HEPHL1: variants seen among roughly 807,000 people sequenced by gnomAD.
HEPHL1 encodes ferroxidase HEPHL1.
Under a neutral mutation model 122.0 loss-of-function variants are expected in HEPHL1, and 123 were observed. The ratio of observed to expected loss-of-function variants is 1.01; its 90% CI spans 0.87 to 1.17. The LOEUF (loss-of-function observed/expected upper bound fraction) is 1.17. HEPHL1 is among the 50% of genes most tolerant of loss of function. HEPHL1 has a pLI of 0.00. For missense variants in HEPHL1, 1,452 were observed against 1,430.5 expected, an observed-to-expected ratio of 1.01 and a Z score of -0.24; for synonymous variants, 527 against 508.9, an observed-to-expected ratio of 1.04 and a Z score of -0.48.
intron 6 of HEPHL1, among the ~76,000 whole-genome samples, chr11:94,071,348 TTC>T: frequency 6.6e-6 from 1 of 152,100 alleles, no homozygotes; most frequent in South Asian, 2.1e-4. Flanking sequence ...CATTCATTCA[TTC>T]ATTCATTCAT....
At position 94,092,501 on chromosome 11, in the gene HEPHL1, C is replaced by T. The variant is rs560347798; in HGVS notation, c.2295-1000C>T. On this transcript the variant is annotated intron_variant, in intron 12 of 19. Transcript: ENST00000315765. ...CTGCCTTCTTGTTTCAGCTCTCATA[C>T]TGTAAACAAATGTCCTTGTTTTCAG... Among the ~76,000 whole-genome samples the T allele has an allele frequency of 1.8e-4, 28 of 152,316 alleles. No homozygotes were observed. In the Middle Eastern group the frequency reaches 0.01, roughly 56 times the overall value.
intron 2 of HEPHL1, among the ~76,000 whole-genome samples, chr11:94,049,494 G>T (rs1174820946): frequency 2.6e-5 from 4 of 151,718 alleles, no homozygotes; most frequent in African/African-American, 9.7e-5. Flanking sequence ...TCCCACTACT[G>T]GGCATTTATC....
At chr11:94,042,619 G>A (rs906304327) in intron 1 of HEPHL1, among the ~76,000 whole-genome samples, 12 of 150,056 alleles carry the variant, frequency 8.0e-5, no homozygotes, top group South Asian at 2.1e-4. Flanking sequence ...GTAAACTATC[G>A]CGAGAACAAA....
intron 6 of HEPHL1, among the ~76,000 whole-genome samples, chr11:94,072,167 C>A (rs1238983485): frequency 6.6e-6 from 1 of 152,020 alleles, no homozygotes; most frequent in Non-Finnish European, 1.5e-5. Flanking sequence ...GCCATTATGA[C>A]CATTATGGCT....
At chr11:94,069,714 A>T (rs1946059526) in intron 5 of HEPHL1, among the ~76,000 whole-genome samples, 1 of 152,106 alleles carries the variant, frequency 6.6e-6, no homozygotes, top group African/African-American at 2.4e-5. Context: ...CTTAATGCTT[A>T]TGTTTCCCAC....
At chr11:94,026,724 C>T (rs1316624817) in intron 1 of HEPHL1, among the ~76,000 whole-genome samples, 1 of 152,240 alleles carries the variant, frequency 6.6e-6, no homozygotes, top group East Asian at 1.9e-4. Context: ...GGGAGGATTT[C>T]TCCAGCCAAG....
intron 1 of HEPHL1, among the ~76,000 whole-genome samples, chr11:94,023,347 T>G (rs971187620): frequency 1.3e-5 from 2 of 152,222 alleles, no homozygotes; most frequent in Non-Finnish European, 2.9e-5. Context: ...TTTGTCACTC[T>G]TCCTAGAAGC....
intron 13 of HEPHL1, among the ~76,000 whole-genome samples, chr11:94,097,209 G>C (rs1452627172): frequency 6.6e-6 from 1 of 152,122 alleles, no homozygotes. Flanking sequence ...AGAGATTCTG[G>C]TATGTTGTGT....
chr11:94,046,945 A>C (rs1239958203), intron 2 of HEPHL1, among the ~76,000 whole-genome samples: 1 of 152,172 alleles, frequency 6.6e-6, no homozygotes, highest in Non-Finnish European at 1.5e-5. Flanking sequence ...ATTATCATCA[A>C]GGAGGAGTTT....
intron 2 of HEPHL1, among the ~76,000 whole-genome samples, chr11:94,046,737 C>T (rs1344423144): frequency 6.6e-6 from 1 of 151,774 alleles, no homozygotes; most frequent in Non-Finnish European, 1.5e-5. Context: ...GGATTCCTCC[C>T]TAATTGAAAA....
chr11:94,046,772 T>C (rs914177334), intron 2 of HEPHL1, among the ~76,000 whole-genome samples: 18 of 152,096 alleles, frequency 1.2e-4, no homozygotes, highest in Non-Finnish European at 2.2e-4. Flanking sequence ...TCTTAGACTT[T>C]TGAGACAGAA....
chr11:94,073,466 G>A (rs745355958), intron 8 of HEPHL1, 27 bp downstream of exon 8: 2 of 1,550,380 alleles, frequency 1.3e-6, no homozygotes, highest in South Asian at 2.4e-5. Context: ...GCTTAGGGAG[G>A]AAACAGGACG....
At chr11:94,035,610 A>T (rs890183531) in intron 1 of HEPHL1, among the ~76,000 whole-genome samples, 7 of 152,180 alleles carry the variant, frequency 4.6e-5, no homozygotes, top group Non-Finnish European at 8.8e-5. Flanking sequence ...CGTCATTTAC[A>T]TTAGGTATAT....
intron 2 of HEPHL1, among the ~76,000 whole-genome samples, chr11:94,049,420 C>T (rs1226051274): frequency 6.6e-6 from 1 of 151,978 alleles, no homozygotes; most frequent in East Asian, 1.9e-4. Context: ...AGTACAGCCA[C>T]TACGGAAAAC....
intron 2 of HEPHL1, among the ~76,000 whole-genome samples, chr11:94,052,341 G>C (rs1411744226): frequency 6.6e-6 from 1 of 151,736 alleles, no homozygotes; most frequent in African/African-American, 2.4e-5. Flanking sequence ...CATTTCCTTA[G>C]TTACGTTAAC....
At chr11:94,067,966 A>G (rs1441476727) in intron 5 of HEPHL1, among the ~76,000 whole-genome samples, 2 of 152,226 alleles carry the variant, frequency 1.3e-5, no homozygotes, top group Admixed American at 6.5e-5. Context: ...TGGGGAAGTG[A>G]TTAAAAATTG....
chr11:94,033,279 G>C (rs1330630117), intron 1 of HEPHL1, among the ~76,000 whole-genome samples: 1 of 152,164 alleles, frequency 6.6e-6, no homozygotes, highest in African/African-American at 2.4e-5. Context: ...TGAGGTTGCT[G>C]CAGGCCCATA....
intron 2 of HEPHL1, among the ~76,000 whole-genome samples, chr11:94,054,616 C>A (rs1945920062): frequency 6.6e-6 from 1 of 152,202 alleles, no homozygotes; most frequent in African/African-American, 2.4e-5. Flanking sequence ...GCTGCATGTG[C>A]TTTTACCCTC....
intron 2 of HEPHL1, among the ~76,000 whole-genome samples, chr11:94,056,202 T>G (rs1945934538): frequency 1.3e-5 from 2 of 152,210 alleles, no homozygotes; most frequent in South Asian, 4.1e-4. Flanking sequence ...CTCTTACTTT[T>G]GCTATTTGAA....
Sources: gnomAD v4.1 joint callset for allele counts (sites outside exome capture counted in the v4.1 genomes callset) on GRCh38, gnomAD v4.1.1 for gene constraint, MANE v1.5 for transcripts, NCBI Gene and HGNC (gene_info 2026-07-23, HGNC 2026-07-21) for gene names.